The following SSH2 variants were observed in gnomAD, a reference collection of about 807,000 sequenced individuals.
SSH2 encodes the protein slingshot protein phosphatase 2, also known as protein phosphatase Slingshot homolog 2.
A neutral mutation model predicts 135.2 loss-of-function variants in SSH2; 37 were observed. The observed-to-expected ratio is 0.27, with a 90% CI of 0.21 to 0.36. The LOEUF (loss-of-function observed/expected upper bound fraction) is 0.36. Ranked by LOEUF, SSH2 falls within the 10% of genes least tolerant of loss-of-function variation. SSH2 has a pLI of 1.00. For missense variants in SSH2, 1,408 were observed against 1,765.3 expected, an observed-to-expected ratio of 0.80 and a Z score of 3.63; for synonymous variants, 628 against 646.2, an observed-to-expected ratio of 0.97 and a Z score of 0.43.
intron 11 of SSH2, among the ~76,000 whole-genome samples, chr17:29,658,853 G>A (rs2036899772): frequency 8.3e-6 from 1 of 119,836 alleles, no homozygotes; most frequent in Admixed American, 1.0e-4. Context: ...GGCAACAGAA[G>A]CGAAACTCCG....
chr17:29,668,399 T>C (rs1163130288), intron 9 of SSH2, among the ~76,000 whole-genome samples: 1 of 152,218 alleles, frequency 6.6e-6, no homozygotes, highest in East Asian at 1.9e-4. Context: ...ACATAGCTAA[T>C]GGTAGAAAAT....
intron 1 of SSH2, among the ~76,000 whole-genome samples, chr17:29,857,023 A>G (rs547528775): frequency 2.0e-5 from 3 of 151,872 alleles, no homozygotes; most frequent in Non-Finnish European, 4.4e-5. Context: ...ATATCATTCC[A>G]CCCCTGGCCC....
At chr17:29,824,586 T>C (rs1253628449) in intron 2 of SSH2, among the ~76,000 whole-genome samples, 1 of 152,170 alleles carries the variant, frequency 6.6e-6, no homozygotes, top group Non-Finnish European at 1.5e-5. Context: ...TCAGGATTCA[T>C]GGGATAGGGC....
Position 29,631,824 on chromosome 17 carries a change from G to C in SSH2, c.3370C>G (p.Leu1124Val), listed in dbSNP as rs780542523. ...NRPTDHPTSI[L>V]SSPEDRGSSL... is the part of the protein sequence containing the mutation. Reference sequence around the variant, plus strand: ...CTGCCTCTGTCTTCAGGGCTACTCAGGATGGAGGTTGGATGGTCAGTGGGT... The same window carrying C: ...CTGCCTCTGTCTTCAGGGCTACTCACGATGGAGGTTGGATGGTCAGTGGGT... The change falls in exon 16 of 16, where the codon CTG becomes GTG. Residue 1124 changes from leucine (L) to valine (V), a missense_variant. Leu to Val is a conservative substitution (Grantham distance 32, BLOSUM62 1). Transcript: ENST00000540801. 2 of 1,614,134 alleles carry C rather than the reference G, an allele frequency of 1.2e-6. No homozygotes were observed. The highest frequency in any genetic ancestry group is 2.2e-5 in the South Asian group (2 of 91,092).
chr17:29,904,800 A>G (rs1389361618), intron 1 of SSH2, among the ~76,000 whole-genome samples: 1 of 152,220 alleles, frequency 6.6e-6, no homozygotes, highest in Admixed American at 6.5e-5. Context: ...AACTTCAGCA[A>G]TGTCTCAGGA....
chr17:29,856,071 G>C (rs1186969336), intron 1 of SSH2: 1 of 343,242 alleles, frequency 2.9e-6, no homozygotes, highest in Non-Finnish European at 5.6e-6. Flanking sequence ...AGTTATCCAG[G>C]AGCATGGGTC....
intron 11 of SSH2, among the ~76,000 whole-genome samples, chr17:29,661,433 T>C (rs1466458362): frequency 6.6e-6 from 1 of 152,210 alleles, no homozygotes; most frequent in Non-Finnish European, 1.5e-5. Context: ...AGGTGATCTG[T>C]AATCTGGCCG....
intron 5 of SSH2, among the ~76,000 whole-genome samples, chr17:29,694,634 A>T (rs1037233996): frequency 2.0e-5 from 3 of 152,144 alleles, no homozygotes; most frequent in Admixed American, 2.0e-4. Flanking sequence ...GTGCCACTGC[A>T]CTCCAGCCTG....
intron 2 of SSH2, among the ~76,000 whole-genome samples, chr17:29,821,648 ATTT>A (rs778592320): frequency 1.5e-5 from 2 of 137,460 alleles, no homozygotes. Context: ...AACCAAGTCT[ATTT>A]TTTTTTTTTT....
At chr17:29,872,168 T>C (rs1264032195) in intron 1 of SSH2, among the ~76,000 whole-genome samples, 1 of 152,232 alleles carries the variant, frequency 6.6e-6, no homozygotes, top group African/African-American at 2.4e-5. Context: ...ATGTTTGTTT[T>C]TAAACTAACT....
At chr17:29,709,015 TAGAGAGAGAGAG>T (rs58190730) in intron 3 of SSH2, among the ~76,000 whole-genome samples, 3 of 81,592 alleles carry the variant, frequency 3.7e-5, no homozygotes, top group Non-Finnish European at 4.9e-5. Context: ...TATATATATA[TAGAGAGAGAGAG>T]AGAGAGAGAG....
intron 6 of SSH2, among the ~76,000 whole-genome samples, chr17:29,678,914 C>T (rs2037846473): frequency 6.6e-6 from 1 of 151,812 alleles, no homozygotes; most frequent in African/African-American, 2.4e-5. Context: ...GAGTTTTTGC[C>T]ATGTTGACTA....
At chr17:29,858,923 T>C (rs1170305084) in intron 1 of SSH2, among the ~76,000 whole-genome samples, 1 of 151,854 alleles carries the variant, frequency 6.6e-6, no homozygotes, top group Non-Finnish European at 1.5e-5. Flanking sequence ...AGGACACAGA[T>C]ACACCCAGAG....
At chr17:29,736,535 C>T (rs994840035) in intron 3 of SSH2, among the ~76,000 whole-genome samples, 3 of 152,134 alleles carry the variant, frequency 2.0e-5, no homozygotes, top group African/African-American at 7.2e-5. Flanking sequence ...CGCCTATAAT[C>T]CCAACACTTT....
chr17:29,674,102 A>C (rs1473143032), intron 8 of SSH2: 1 of 456,740 alleles, frequency 2.2e-6, no homozygotes, highest in South Asian at 1.5e-5. Context: ...AGGCTGCTCC[A>C]GTTCATTCTT....
Position 29,848,910 on chromosome 17 carries a change from C to T in SSH2, c.83G>A (p.Ser28Asn). The part of the protein sequence containing the change: ...PCASSSHLED[S>N]ESAALLCCEC... ...ACAGCAAAGTAATGCTGCTGATTCA[C>T]TGTCTTCCAAATGAGAGCTCTGTAA... is the stretch of plus-strand genomic sequence containing the variant. The change falls in exon 2 of 16, where the codon AGT becomes AAT. Residue 28 changes from serine to asparagine, a missense_variant. Coordinates refer to ENST00000540801, the MANE Select transcript of SSH2 (RefSeq NM_001282129.2). 1 of 1,534,682 alleles carries T rather than the reference C, an allele frequency of 6.5e-7. No homozygotes were observed. The highest frequency in any genetic ancestry group is 8.7e-7 in the Non-Finnish European group (1 of 1,146,024).
chr17:29,791,840 A>C (rs1401396185), intron 3 of SSH2, among the ~76,000 whole-genome samples: 1 of 152,086 alleles, frequency 6.6e-6, no homozygotes, highest in Non-Finnish European at 1.5e-5. Flanking sequence ...AGAAGCCTGC[A>C]AAAACCCTCT....
rs1429739888 is a variant in SSH2 at position 29,913,347 on chromosome 17, A to ATAT, written c.63+16590_63+16591insATA. The stretch of plus-strand genomic sequence containing the variant: ...AAAAAAAAAAAAAAAAAAAAAAAAA[A>ATAT]ATATATATATATATATATATATATA... On this transcript the variant is annotated intron_variant, in intron 1 of 15. Transcript: ENST00000540801. Among the ~76,000 whole-genome samples the ATAT allele has an allele frequency of 8.3e-4, 24 of 28,786 alleles. 3 individuals carry two copies. The highest frequency in any genetic ancestry group is 1.2e-3 in the Non-Finnish European group (20 of 16,998). 18.9% of individuals were successfully genotyped at this position (28,786 alleles called of 152,430 possible). A position where few individuals can be genotyped will look rare whatever the true frequency, so the allele number is the denominator to read the frequency against.
intron 2 of SSH2, among the ~76,000 whole-genome samples, chr17:29,835,254 G>A (rs2042923628): frequency 6.6e-6 from 1 of 152,208 alleles, no homozygotes; most frequent in Admixed American, 6.5e-5. Flanking sequence ...AAAAGAATAA[G>A]TGGACAGATT....
Sources: gnomAD v4.1 joint callset for allele counts (sites outside exome capture counted in the v4.1 genomes callset) on GRCh38, gnomAD v4.1.1 for gene constraint, MANE v1.5 for transcripts, NCBI Gene and HGNC (gene_info 2026-07-23, HGNC 2026-07-21) for gene names.